PGM2: variants seen among roughly 807,000 people sequenced by gnomAD.
PGM2 encodes the protein phosphoglucomutase 2.
Under a neutral mutation model 74.6 loss-of-function variants are expected in PGM2, and 57 were observed. The ratio of observed to expected loss-of-function variants is 0.76; its 90% CI spans 0.62 to 0.95. PGM2 has a LOEUF of 0.95. Among genes scored for constraint, PGM2 ranks in the 40% least tolerant of loss-of-function variants. The pLI, the probability that PGM2 is intolerant of heterozygous loss-of-function variation, is 0.00. For synonymous variants in PGM2, 273 were observed against 260.7 expected (o/e 1.05, Z -0.46); for missense variants, 706 against 741.9 (o/e 0.95, Z 0.56).
intron 11 of PGM2, among the ~76,000 whole-genome samples, chr4:37,849,544 T>C (rs2152179742): frequency 6.7e-6 from 1 of 150,164 alleles, no homozygotes. Context: ...CCCGGGTAAC[T>C]GGGATTATAG....
chr4:37,847,201 G>T lies in PGM2; in HGVS notation c.1189-1G>T. The T allele has an allele frequency of 6.2e-7, 1 of 1,612,846 alleles. No individual in the cohort carries two copies. Among genetic ancestry groups the T allele is most frequent in the East Asian group, 2.2e-5 (1 of 44,884 alleles). ...CTTTCTCTTTTGGATTATCCCTTTA[G>T]GAAACATTAACTGGCTTTAAGTGGA... is the stretch of plus-strand genomic sequence containing the variant. On this transcript the variant is annotated splice_acceptor_variant, in intron 9 of 13. Transcript: ENST00000381967. LOFTEE classifies it high-confidence loss of function.
At chr4:37,859,315 T>A (rs1477425954) in intron 13 of PGM2, among the ~76,000 whole-genome samples, 1 of 152,164 alleles carries the variant, frequency 6.6e-6, no homozygotes, top group Non-Finnish European at 1.5e-5. Flanking sequence ...TAGGCAGGTT[T>A]CCAGTGGACC....
At position 37,845,737 on chromosome 4, in the gene PGM2, T is replaced by C; in HGVS notation, c.1007+7T>C. The C allele has an allele frequency of 1.3e-6, 2 of 1,502,732 alleles. No homozygotes were observed. Among genetic ancestry groups the C allele is most frequent in the Admixed American group, 1.7e-5 (1 of 59,896 alleles). 93.1% of individuals were successfully genotyped at this position (1,502,732 alleles called of 1,614,324 possible). Reference sequence around the variant, plus strand: ...TGGCAGAAAAGCAAGACAGGTAAAATTAATTGTGATTACCTATATTATAGA... The same window carrying C: ...TGGCAGAAAAGCAAGACAGGTAAAACTAATTGTGATTACCTATATTATAGA... On this transcript the variant is annotated splice_region_variant and intron_variant, in intron 8 of 13. Transcript: ENST00000381967.
At chr4:37,835,507 G>C (rs1311726261) in intron 3 of PGM2, among the ~76,000 whole-genome samples, 1 of 152,128 alleles carries the variant, frequency 6.6e-6, no homozygotes, top group Admixed American at 6.5e-5. Flanking sequence ...ACCAACCCCT[G>C]CCCGTAACCA....
At chr4:37,854,030 AT>A (rs1392279277) in intron 12 of PGM2, among the ~76,000 whole-genome samples, 1 of 151,902 alleles carries the variant, frequency 6.6e-6, no homozygotes, top group East Asian at 1.9e-4. Context: ...CTTGGCCAGG[AT>A]TTTGCAGAGC....
intron 7 of PGM2, among the ~76,000 whole-genome samples, chr4:37,845,334 A>T (rs2152178410): frequency 6.6e-6 from 1 of 152,354 alleles, no homozygotes; most frequent in African/African-American, 2.4e-5. Flanking sequence ...ATGCCCCGAA[A>T]TACCAGTCCA....
In PGM2 at chr4:37,847,301, A is replaced by G; in HGVS notation, c.1282+6A>G. 3.8e-6 allele frequency: 6 copies of G among 1,592,468 alleles called. No individual in the cohort carries two copies. Among genetic ancestry groups the G allele is most frequent in the Non-Finnish European group, 5.2e-6 (6 of 1,160,454 alleles). On this transcript the variant is annotated splice_donor_region_variant and intron_variant, in intron 10 of 13. Coordinates refer to ENST00000381967, the MANE Select transcript of PGM2 (RefSeq NM_018290.4). ...TGCATTTGAAGAAGCTATTGGTAAGAAGTGATCATGAACATTAAGGAATTG... is the reference window on the plus strand; with the variant it reads ...TGCATTTGAAGAAGCTATTGGTAAGGAGTGATCATGAACATTAAGGAATTG...
chr4:37,839,692 A>G lies in PGM2; in HGVS notation c.442-156A>G, dbSNP rs1259957452. 1.4e-5 allele frequency: 10 copies of G among 700,018 alleles called. 2 individuals carry two copies. Among genetic ancestry groups the G allele is most frequent in the Admixed American group, 4.0e-5 (2 of 49,836 alleles). 43.4% of individuals were successfully genotyped at this position (700,018 alleles called of 1,614,324 possible). A position where few individuals can be genotyped will look rare whatever the true frequency, so the allele number is the denominator to read the frequency against. ...GCCAGTTAATTCTAAGGGTAATTGCATACTGCTGGGGTGTGGCTCAAAAAT... is the reference window on the plus strand; with the variant it reads ...GCCAGTTAATTCTAAGGGTAATTGCGTACTGCTGGGGTGTGGCTCAAAAAT... On this transcript the variant is annotated intron_variant, in intron 4 of 13. Transcript: ENST00000381967.
At position 37,861,588 on chromosome 4, in the gene PGM2, C is replaced by A. The variant is rs370227268; in HGVS notation, c.1815C>A (p.Tyr605Ter). ...AACATTTTTTCCAGCCACAGAAGTA[C>A]AATCTGCAGCCAAAAGCAGACTAAA... ...IEEHFFQPQK[Y>*]NLQPKAD The change falls in exon 14 of 14, where the codon TAC becomes TAA. Residue 605 changes from tyrosine (Y) to a stop codon, truncating the protein, a stop_gained. Transcript: ENST00000381967. LOFTEE classifies it high-confidence loss of function. The A allele has an allele frequency of 3.1e-6, 5 of 1,611,806 alleles. No homozygotes were observed. In the African/African-American group the frequency reaches 6.7e-5, roughly 22 times the overall value.
At position 37,855,659 on chromosome 4, in the gene PGM2, G is replaced by A; in HGVS notation, c.1654G>A (p.Gly552Arg). ...AATGATCACCTTCACCTTTGCTAAT[G>A]GAGGCGTGGCCACCATGCGCACCAG... Reference protein sequence around the residue: ...SQMITFTFANGGVATMRTSGT... With the variant: ...SQMITFTFANRGVATMRTSGT... The change falls in exon 13 of 14, where the codon GGA becomes AGA. Residue 552 changes from glycine to arginine, a missense_variant. Physicochemically the swap from Gly to Arg is moderately radical, Grantham distance 125. This residue lies in a region of PGM2 where 359 missense variants were observed against 371.1 expected (regional missense o/e 0.97). Coordinates refer to ENST00000381967, the MANE Select transcript of PGM2 (RefSeq NM_018290.4). The A allele has an allele frequency of 6.2e-7, 1 of 1,614,102 alleles. No individual in the cohort carries two copies. Among genetic ancestry groups the A allele is most frequent in the Non-Finnish European group, 8.5e-7 (1 of 1,179,976 alleles).
Position 37,829,968 on chromosome 4 carries a change from C to T in PGM2, c.86C>T (p.Ser29Phe), listed in dbSNP as rs1725396466. The change falls in exon 2 of 14, where the codon TCC (serine) becomes TTC (phenylalanine). Residue 29 changes from serine (S) to phenylalanine (F), a missense_variant. Ser to Phe is a radical substitution (Grantham distance 155). Transcript: ENST00000381967. Reference protein sequence around the residue: ...TAQWLRWDKNSLTLEAVKRLI... With the variant: ...TAQWLRWDKNFLTLEAVKRLI... The stretch of plus-strand genomic sequence containing the variant: ...CTATACATTTTTGTTTTTCAGAATT[C>T]CTTAACTTTGGAGGCAGTGAAACGA... 6.3e-7 allele frequency: 1 copy of T among 1,577,936 alleles called. No homozygotes were observed. The highest frequency in any genetic ancestry group is 8.6e-7 in the Non-Finnish European group (1 of 1,165,320).
chr4:37,834,382 G>C (rs1292439190), intron 2 of PGM2, among the ~76,000 whole-genome samples: 2 of 151,880 alleles, frequency 1.3e-5, no homozygotes, highest in African/African-American at 4.8e-5. Context: ...TGAGGTTAGA[G>C]ATAACAGCTA....
intron 2 of PGM2, among the ~76,000 whole-genome samples, chr4:37,831,381 G>A (rs1725440781): frequency 6.6e-6 from 1 of 152,078 alleles, no homozygotes; most frequent in Non-Finnish European, 1.5e-5. Flanking sequence ...AGTTACTAGG[G>A]CTATGTAACA....
intron 12 of PGM2, among the ~76,000 whole-genome samples, chr4:37,855,267 G>A (rs183294355): frequency 3.9e-4 from 59 of 151,578 alleles, no homozygotes; most frequent in Middle Eastern, 3.4e-3. Context: ...CAACCTTTTC[G>A]GATTCCACAT....
intron 7 of PGM2, among the ~76,000 whole-genome samples, chr4:37,845,087 A>G (rs1461181392): frequency 6.6e-6 from 1 of 152,204 alleles, no homozygotes; most frequent in East Asian, 1.9e-4. Flanking sequence ...TGAGCTCTAA[A>G]TGGTGCTTCA....
rs773016358 is a variant in PGM2, at chr4:37,847,240, CAAACAGCT to C, written c.1230_1237del (p.Lys410AsnfsTer12). 2 of 1,613,754 alleles carry C rather than the reference CAAACAGCT, an allele frequency of 1.2e-6. No homozygotes were observed. The highest frequency in any genetic ancestry group is 4.5e-5 in the East Asian group (2 of 44,896). ...GCTTTAAGTGGATGGGAAACAGAGC[CAAACAGCT>C]AATAGACCAGGGGAAAACTGTTTTA... is the stretch of plus-strand genomic sequence containing the variant. On this transcript the variant is annotated frameshift_variant, in exon 10 of 14. Transcript: ENST00000381967. LOFTEE classifies it high-confidence loss of function.
At chr4:37,852,241 C>T (rs530527401) in intron 12 of PGM2, among the ~76,000 whole-genome samples, 1 of 144,428 alleles carries the variant, frequency 6.9e-6, no homozygotes, top group South Asian at 2.2e-4. Flanking sequence ...ACTGGGATTA[C>T]AGGCGTAAGC....
intron 13 of PGM2, among the ~76,000 whole-genome samples, chr4:37,860,626 A>G (rs142560504): frequency 4.2e-4 from 64 of 152,354 alleles, no homozygotes; most frequent in African/African-American, 1.5e-3. Flanking sequence ...AGGGATTTCC[A>G]TTAAAATAAA....
intron 2 of PGM2, 22 bp from the exon 3 acceptor site, chr4:37,834,596 T>C (rs755714073): frequency 2.6e-6 from 3 of 1,153,360 alleles, no homozygotes; most frequent in Non-Finnish European, 3.9e-6. Context: ...ACATACTTTT[T>C]AAATCTATGG....
Sources: gnomAD v4.1 joint callset for allele counts (sites outside exome capture counted in the v4.1 genomes callset) on GRCh38, gnomAD v4.1.1 for gene constraint, gnomAD v4.1.1 regional missense constraint, MANE v1.5 for transcripts, NCBI Gene and HGNC (gene_info 2026-07-23, HGNC 2026-07-21) for gene names.